The following SULF2 variants were observed in gnomAD, a reference collection of about 807,000 sequenced individuals.
SULF2 encodes extracellular sulfatase Sulf-2.
In SULF2, 52 loss-of-function variants were observed where a neutral mutation model predicts 107.7. The observed-to-expected ratio is 0.48, with a 90% confidence interval of 0.39 to 0.61. SULF2 has a LOEUF of 0.61. Ranked by LOEUF, SULF2 falls within the 20% of genes least tolerant of loss-of-function variation. The pLI is 0.00. For missense variants in SULF2, 993 were observed against 1,177.3 expected, an observed-to-expected ratio of 0.84 and a Z score of 2.29; for synonymous variants, 460 against 464.3, an observed-to-expected ratio of 0.99 and a Z score of 0.12.
chr20:47,697,864 T>C (rs1365909527), intron 4 of SULF2, among the ~76,000 whole-genome samples: 1 of 152,170 alleles, frequency 6.6e-6, no homozygotes, highest in Non-Finnish European at 1.5e-5. Flanking sequence ...GGTGAAGAAT[T>C]TTAAAAAGGA....
chr20:47,775,519 C>T lies in SULF2; in HGVS notation c.-101+9824G>A, dbSNP rs77199350. 8.1e-4 allele frequency among the ~76,000 whole-genome samples: 123 copies of T among 152,354 alleles called. 1 individual carries two copies. The East Asian group carries it at 0.023, about 29-fold the overall frequency. On this transcript the variant is annotated intron_variant, in intron 1 of 20. Transcript: ENST00000688720. Reference sequence around the variant, plus strand: ...AGTGGTTTGTTATACAGCAGAAACACAACCCAAGAATCCTCAGTGACACTG... The same window carrying T: ...AGTGGTTTGTTATACAGCAGAAACATAACCCAAGAATCCTCAGTGACACTG...
intron 1 of SULF2, among the ~76,000 whole-genome samples, chr20:47,759,522 T>A (rs929068567): frequency 6.6e-6 from 1 of 152,096 alleles, no homozygotes; most frequent in Admixed American, 6.6e-5. Flanking sequence ...TGAAACCCCA[T>A]CTCTACTAAA....
chr20:47,773,859 C>T (rs967005647), intron 1 of SULF2, among the ~76,000 whole-genome samples: 3 of 152,250 alleles, frequency 2.0e-5, no homozygotes, highest in African/African-American at 7.2e-5. Context: ...TGCTTACCCC[C>T]ACAGAACATG....
At chr20:47,783,536 C>T (rs555679950) in intron 1 of SULF2, among the ~76,000 whole-genome samples, 38 of 152,344 alleles carry the variant, frequency 2.5e-4, no homozygotes, top group African/African-American at 8.2e-4. Flanking sequence ...GCTATGCTGT[C>T]CTCCTCCAAG....
At chr20:47,672,448 C>G (rs1381880599) in intron 10 of SULF2, 55 bp from the exon 11 acceptor site, 1 of 1,501,458 alleles carries the variant, frequency 6.7e-7, no homozygotes, top group Non-Finnish European at 8.9e-7. Context: ...CTAAACCCGC[C>G]TCTCCCCTGC....
intron 1 of SULF2, among the ~76,000 whole-genome samples, chr20:47,784,938 G>A (rs2090896154): frequency 6.6e-6 from 1 of 152,122 alleles, no homozygotes; most frequent in Non-Finnish European, 1.5e-5. Flanking sequence ...AGCCCCACGT[G>A]GGCTGGCATC....
intron 1 of SULF2, among the ~76,000 whole-genome samples, chr20:47,781,464 C>T (rs187673358): frequency 1.3e-5 from 2 of 152,310 alleles, no homozygotes; most frequent in Non-Finnish European, 2.9e-5. Flanking sequence ...ATTTCCTTAG[C>T]CAGTGACTGG....
rs1411633917 is a variant in SULF2, at chr20:47,677,153, C to T, written c.1194-19G>A. On this transcript the variant is annotated intron_variant, in intron 8 of 20. Coordinates refer to ENST00000688720, the MANE Select transcript of SULF2 (RefSeq NM_001387048.1). ...GTGAAACCTGGAAAAAAGCACGGCT[C>T]CTGCTTCTCAGCAACATGAGGGCTT... 3 of 1,613,592 alleles carry T rather than the reference C, an allele frequency of 1.9e-6. No homozygotes were observed. Among genetic ancestry groups the T allele is most frequent in the Admixed American group, 3.3e-5 (2 of 59,992 alleles).
chr20:47,665,724 A>G (rs2087242334), intron 13 of SULF2, 133 bp downstream of exon 13: 1 of 705,358 alleles, frequency 1.4e-6, no homozygotes, highest in African/African-American at 1.7e-5. Flanking sequence ...CGCGTTGAGG[A>G]ATCTGTGGGG....
intron 3 of SULF2, among the ~76,000 whole-genome samples, chr20:47,714,892 C>T (rs1170692480): frequency 6.6e-6 from 1 of 152,124 alleles, no homozygotes; most frequent in Non-Finnish European, 1.5e-5. Context: ...GGGCTGCTTC[C>T]TCACCTTTCC....
chr20:47,770,456 TG>T, intron 1 of SULF2, among the ~76,000 whole-genome samples: 1 of 151,908 alleles, frequency 6.6e-6, no homozygotes, highest in South Asian at 2.1e-4. Flanking sequence ...GATGACTAGG[TG>T]GGAGCAAAGA....
intron 2 of SULF2, among the ~76,000 whole-genome samples, chr20:47,751,789 G>C (rs1251835467): frequency 6.6e-6 from 1 of 152,218 alleles, no homozygotes; most frequent in Non-Finnish European, 1.5e-5. Context: ...GGCTGACAGA[G>C]AGTGGTTGTG....
At position 47,742,927 on chromosome 20, in the gene SULF2, A is replaced by ATTTTTTTTTTTTTTTTTTTTTTTTT. The variant is rs397837137; in HGVS notation, c.176-6010_176-5986dup. On this transcript the variant is annotated intron_variant, in intron 2 of 20. Coordinates refer to ENST00000688720, the MANE Select transcript of SULF2 (RefSeq NM_001387048.1). The stretch of plus-strand genomic sequence containing the variant: ...AGGGAGTTTCAGGATTCAAAACATG[A>ATTTTTTTTTTTTTTTTTTTTTTTTT]TTTTTTTTTTTTTTTTTTTTTTTTT... Among the ~76,000 whole-genome samples the ATTTTTTTTTTTTTTTTTTTTTTTTT allele has an allele frequency of 2.0e-5, 2 of 99,452 alleles. 1 individual carries two copies. Among genetic ancestry groups the ATTTTTTTTTTTTTTTTTTTTTTTTT allele is most frequent in the Non-Finnish European group, 3.9e-5 (2 of 50,786 alleles). 65.2% of individuals were successfully genotyped at this position (99,452 alleles called of 152,430 possible). A position where few individuals can be genotyped will look rare whatever the true frequency, so the allele number is the denominator to read the frequency against.
chr20:47,707,310 C>CT (rs1405863541), intron 3 of SULF2, among the ~76,000 whole-genome samples: 2 of 152,032 alleles, frequency 1.3e-5, no homozygotes, highest in African/African-American at 4.8e-5. Context: ...TTTTATTCTT[C>CT]TTTTTTCTCC....
chr20:47,665,098 AT>A (rs2087216659), intron 14 of SULF2, 100 bp downstream of exon 14: 2 of 811,468 alleles, frequency 2.5e-6, no homozygotes, highest in Admixed American at 4.0e-5. Context: ...GAAGATAAAG[AT>A]AAAAATAAAA....
At chr20:47,779,951 G>A (rs1213100033) in intron 1 of SULF2, among the ~76,000 whole-genome samples, 1 of 151,398 alleles carries the variant, frequency 6.6e-6, no homozygotes. Context: ...TTCTTAGCAT[G>A]GCCTGTATTT....
intron 17 of SULF2, among the ~76,000 whole-genome samples, 178 bp downstream of exon 17, chr20:47,662,892 A>AAAGC (rs1237092936): frequency 2.0e-5 from 3 of 152,132 alleles, no homozygotes; most frequent in South Asian, 2.1e-4. Context: ...ATGGAGGCAA[A>AAAGC]AAAGGCTGAT....
At chr20:47,676,203 C>A (rs764920844) in intron 10 of SULF2, among the ~76,000 whole-genome samples, 1 of 152,220 alleles carries the variant, frequency 6.6e-6, no homozygotes, top group South Asian at 2.1e-4. Flanking sequence ...CCTGCTGGGG[C>A]CTTCGTGCAA....
chr20:47,674,854 C>T (rs1272691816), intron 10 of SULF2, among the ~76,000 whole-genome samples: 1 of 152,100 alleles, frequency 6.6e-6, no homozygotes, highest in Non-Finnish European at 1.5e-5. Context: ...TCGGGGAGTA[C>T]CGGCTTGTGA....
Sources: gnomAD v4.1 joint callset for allele counts (sites outside exome capture counted in the v4.1 genomes callset) on GRCh38, gnomAD v4.1.1 for gene constraint, MANE v1.5 for transcripts, NCBI Gene and HGNC (gene_info 2026-07-23, HGNC 2026-07-21) for gene names.